The following PTPN23 variants were observed in gnomAD, a reference collection of about 807,000 sequenced individuals.
PTPN23 encodes the protein tyrosine-protein phosphatase non-receptor type 23.
A neutral mutation model predicts 156.3 loss-of-function variants in PTPN23; 72 were observed. The observed-to-expected ratio is 0.46, with a 90% CI of 0.38 to 0.56. The LOEUF (loss-of-function observed/expected upper bound fraction) is 0.56, where lower values mean the gene tolerates loss of function less well. PTPN23 is among the 20% of genes least tolerant of loss of function. The pLI, the probability that PTPN23 is intolerant of heterozygous loss-of-function variation, is 0.00. For synonymous variants in PTPN23, 957 were observed against 899.6 expected (o/e 1.06, Z -1.14); for missense variants, 1,974 against 2,171.5 (o/e 0.91, Z 1.81).
chr3:47,408,274 T>C (rs1054944190), intron 14 of PTPN23, 71 bp from the exon 15 acceptor site: 6 of 1,567,934 alleles, frequency 3.8e-6, no homozygotes, highest in Non-Finnish European at 5.2e-6. Context: ...AGGCTTGCCC[T>C]AGCGGCTCCT....
chr3:47,411,695 AG>A lies in PTPN23; in HGVS notation c.3888+14del, dbSNP rs748499546. 10 of 1,596,394 alleles carry A rather than the reference AG, an allele frequency of 6.3e-6. No individual in the cohort carries two copies. The East Asian group carries it at 2.2e-4, about 36-fold the overall frequency. ...AGGCTGAGATGGAGAAGGTGAGAAG[AG>A]GGGGTGGGTGCCCACGAGGGCAGTG... On this transcript the variant is annotated intron_variant, in intron 20 of 24. Coordinates refer to ENST00000265562, the MANE Select transcript of PTPN23 (RefSeq NM_015466.4). This position sits in a 1 kb window ranked among gnomAD's most constrained non-coding sequence, Gnocchi z 6.3.
At chr3:47,402,340 T>C (rs956604971) in intron 2 of PTPN23, among the ~76,000 whole-genome samples, 1 of 151,964 alleles carries the variant, frequency 6.6e-6, no homozygotes, top group Non-Finnish European at 1.5e-5. Context: ...AGTGCAGTGG[T>C]GCAACCTCAG....
At position 47,411,297 on chromosome 3, in the gene PTPN23, C is replaced by T. The variant is rs564678938; in HGVS notation, c.3499C>T (p.His1167Tyr). The change falls in exon 20 of 25, where the codon CAT (histidine) becomes TAT (tyrosine). Residue 1167 changes from histidine to tyrosine, a missense_variant. This residue lies in a region of PTPN23 where 731 missense variants were observed against 669.1 expected (regional missense o/e 1.09). Transcript: ENST00000265562. The surrounding 1 kb of genome is among the most constrained non-coding windows in gnomAD (Gnocchi z 6.3). ...GCTGATTGAGCGGGACCCCTATGAG[C>T]ATCCTGAGAGGCTGCGGCAGTTGCA... ...LRLIERDPYE[H>Y]PERLRQLQQE... 6.1e-5 allele frequency: 99 copies of T among 1,612,324 alleles called. No homozygotes were observed. Among genetic ancestry groups the T allele is most frequent in the Middle Eastern group, 1.6e-4 (1 of 6,084 alleles).
In PTPN23 at chr3:47,412,605, C is replaced by T. The variant is rs1705345036; in HGVS notation, c.4409C>T (p.Ala1470Val). 2 of 1,613,586 alleles carry T rather than the reference C, an allele frequency of 1.2e-6. No individual in the cohort carries two copies. Among genetic ancestry groups the T allele is most frequent in the East Asian group, 2.2e-5 (1 of 44,880 alleles). ...HGVPPPCKPL[A>V]SASISQKNHL... ...GTGCCTCCTCCATGCAAACCCTTGG[C>T]CAGTGCAAGCATCAGCCAGAAGGTG... The change falls in exon 24 of 25, where the codon GCC becomes GTC. Residue 1470 changes from alanine to valine, a missense_variant. Physicochemically the swap from Ala to Val is moderately conservative, Grantham distance 64. This residue lies in a region of PTPN23 where 484 missense variants were observed against 516.0 expected (regional missense o/e 0.94). Transcript: ENST00000265562.
chr3:47,400,699 G>A (rs1208730190), intron 2 of PTPN23, among the ~76,000 whole-genome samples: 1 of 150,566 alleles, frequency 6.6e-6, no homozygotes, highest in Non-Finnish European at 1.5e-5. Flanking sequence ...TCAGCCTCCC[G>A]AGTAGCTGGG....
chr3:47,409,167 C>T lies in PTPN23; in HGVS notation c.1647C>T (p.Asp549=). 14 of 1,613,594 alleles carry T rather than the reference C, an allele frequency of 8.7e-6. No individual in the cohort carries two copies. The highest frequency in any genetic ancestry group is 1.2e-5 in the Non-Finnish European group (14 of 1,179,686). ...ACTGACCACTGCTGCCCACAGAGGA[C>T]AAGGCCGTGCTGCAAAACCTAAAGC... ...ALPTPALSPE[D]KAVLQNLKRI... is the part of the protein sequence containing the mutation. The change falls in exon 17 of 25, where the codon GAC becomes GAT. Residue 549 remains aspartate, a synonymous_variant. Transcript: ENST00000265562.
In PTPN23 at chr3:47,412,499, A is replaced by G; in HGVS notation, c.4318-15A>G. 7 of 1,612,648 alleles carry G rather than the reference A, an allele frequency of 4.3e-6. No homozygotes were observed. Among genetic ancestry groups the G allele is most frequent in the Non-Finnish European group, 5.9e-6 (7 of 1,179,532 alleles). The stretch of plus-strand genomic sequence containing the variant: ...GGCCCCTGCCCAGCTGACCTGGCCA[A>G]ATGCACCTGTGCAGCTGCACCTCAG... On this transcript the variant is annotated splice_polypyrimidine_tract_variant and intron_variant, in intron 23 of 24. Transcript: ENST00000265562.
chr3:47,407,918 A>G lies in PTPN23; in HGVS notation c.1147A>G (p.Met383Val). 6.2e-7 allele frequency: 1 copy of G among 1,614,092 alleles called. No homozygotes were observed. Among genetic ancestry groups the G allele is most frequent in the Non-Finnish European group, 8.5e-7 (1 of 1,180,016 alleles). The change falls in exon 14 of 25, where the codon ATG (methionine) becomes GTG (valine). Residue 383 changes from methionine (M) to valine (V), a missense_variant. By Grantham distance (21) the Met-to-Val change is conservative. Transcript: ENST00000265562. The surrounding 1 kb of genome is among the most constrained non-coding windows in gnomAD (Gnocchi z 4.0). The stretch of plus-strand genomic sequence containing the variant: ...GGAGAAGGCCAAGCTGCTCCGGGAG[A>G]TGATGGCCAAGATTGAGGACAAGAA... ...SEEKAKLLREMMAKIEDKNEV... is the reference protein window; with the variant it reads ...SEEKAKLLREVMAKIEDKNEV...
chr3:47,412,747 G>T lies in PTPN23; in HGVS notation c.4473G>T (p.Gly1491=), dbSNP rs773180028. Residue 1491 remains glycine, a synonymous_variant, in exon 25 of 25, where the codon GGG becomes GGT. Transcript: ENST00000265562. ...PQDSQDLVLG[G]DVPISSIQAT... is the part of the protein sequence containing the mutation. The stretch of plus-strand genomic sequence containing the variant: ...ACTCCCAGGACCTGGTCCTCGGTGG[G>T]GATGTGCCCATCAGCTCCATCCAGG... The T allele has an allele frequency of 6.2e-7, 1 of 1,606,784 alleles. No individual in the cohort carries two copies. Among genetic ancestry groups the T allele is most frequent in the East Asian group, 2.2e-5 (1 of 44,738 alleles).
intron 2 of PTPN23, among the ~76,000 whole-genome samples, chr3:47,399,809 A>G (rs1704955526): frequency 6.6e-6 from 1 of 151,948 alleles, no homozygotes; most frequent in Non-Finnish European, 1.5e-5. Flanking sequence ...GTTGGACTAG[A>G]TCACTGTTTT....
At chr3:47,403,213 C>A (rs150334868) in intron 2 of PTPN23, among the ~76,000 whole-genome samples, 2 of 151,858 alleles carry the variant, frequency 1.3e-5, no homozygotes, top group South Asian at 4.2e-4. Flanking sequence ...CCACCACGTC[C>A]GGCTAATTTT....
intron 1 of PTPN23, among the ~76,000 whole-genome samples, chr3:47,390,598 A>G (rs1044231900): frequency 1.3e-5 from 2 of 152,172 alleles, no homozygotes; most frequent in African/African-American, 2.4e-5. Context: ...GTCCCAGACC[A>G]TAGCGAAATG....
At chr3:47,381,908 G>A (rs138912495) in intron 1 of PTPN23, among the ~76,000 whole-genome samples, 470 of 152,290 alleles carry the variant, frequency 3.1e-3, no homozygotes, top group Non-Finnish European at 4.9e-3. Flanking sequence ...AACTTCTGTG[G>A]AGAGGTTCAG....
In PTPN23 at chr3:47,409,523, T is replaced by A. The variant is rs1265485756; in HGVS notation, c.1904T>A (p.Val635Glu). The change falls in exon 18 of 25, where the codon GTG becomes GAG. Residue 635 changes from valine to glutamate, a missense_variant. This residue lies in a region of PTPN23 where 726 missense variants were observed against 929.5 expected (regional missense o/e 0.78). Transcript: ENST00000265562. ...CTCTGTGCACTGACAGAGGCCAACG[T>A]GCAGTACGCAGCCGTGCGGCGGGTA... ...RVLCALTEAN[V>E]QYAAVRRVLS... 6.2e-7 allele frequency: 1 copy of A among 1,614,052 alleles called. No homozygotes were observed. The highest frequency in any genetic ancestry group is 1.1e-5 in the South Asian group (1 of 91,080).
Position 47,411,188 on chromosome 3 carries a change from C to T in PTPN23, c.3390C>T (p.Gly1130=). ...LSSSPESQHG[G]TQSPGGGQPL... is the part of the protein sequence containing the mutation. ...CCAGCCCGGAGAGCCAGCATGGCGG[C>T]ACTCAGTCTCCTGGGGGTGGGCAGC... Residue 1130 remains glycine (G), a synonymous_variant, in exon 20 of 25, where the codon GGC becomes GGT. Coordinates refer to ENST00000265562, the MANE Select transcript of PTPN23 (RefSeq NM_015466.4). This position sits in a 1 kb window ranked among gnomAD's most constrained non-coding sequence, Gnocchi z 6.3. 1 of 1,603,512 alleles carries T rather than the reference C, an allele frequency of 6.2e-7. No homozygotes were observed. The highest frequency in any genetic ancestry group is 8.5e-7 in the Non-Finnish European group (1 of 1,177,476).
Position 47,411,604 on chromosome 3 carries a change from C to T in PTPN23, c.3806C>T (p.Thr1269Ile). Reference protein sequence around the residue: ...LVATQAPLPGTAADFWLMVHE... With the variant: ...LVATQAPLPGIAADFWLMVHE... ...GCAACCCAGGCCCCACTGCCTGGCA[C>T]AGCTGCTGACTTCTGGCTCATGGTC... Residue 1269 changes from threonine to isoleucine, a missense_variant, in exon 20 of 25, where the codon ACA becomes ATA. This residue lies in a region of PTPN23 where 484 missense variants were observed against 516.0 expected (regional missense o/e 0.94). Coordinates refer to ENST00000265562, the MANE Select transcript of PTPN23 (RefSeq NM_015466.4). The surrounding 1 kb of genome is among the most constrained non-coding windows in gnomAD (Gnocchi z 6.3). 1 of 1,612,420 alleles carries T rather than the reference C, an allele frequency of 6.2e-7. No homozygotes were observed. Among genetic ancestry groups the T allele is most frequent in the Non-Finnish European group, 8.5e-7 (1 of 1,179,926 alleles).
rs1705368032 is a variant in PTPN23, at chr3:47,413,062, C to A, written c.4788C>A (p.Gly1596=). The change falls in exon 25 of 25, where the codon GGC becomes GGA. Residue 1596 remains glycine (G), a synonymous_variant. Transcript: ENST00000265562. ...TCTCCCTGGACAGCTCCCTGCGGGG[C>A]AAACAGCGGATGAGCAAGCATAACT... ...EAFSLDSSLR[G]KQRMSKHNFL... is the part of the protein sequence containing the mutation. 1.9e-6 allele frequency: 3 copies of A among 1,612,858 alleles called. No individual in the cohort carries two copies. Among genetic ancestry groups the A allele is most frequent in the African/African-American group, 1.3e-5 (1 of 74,948 alleles).
chr3:47,402,831 G>A (rs919399341), intron 2 of PTPN23, among the ~76,000 whole-genome samples: 4 of 151,990 alleles, frequency 2.6e-5, no homozygotes, highest in East Asian at 1.9e-4. Flanking sequence ...TAAGCCTCCC[G>A]AGTAGCTGGG....
At chr3:47,408,710 G>A in intron 15 of PTPN23, 66 bp from the exon 16 acceptor site, 1 of 1,529,882 alleles carries the variant, frequency 6.5e-7, no homozygotes, top group South Asian at 1.3e-5. Flanking sequence ...CTGTCTCTTG[G>A]GGGAGGGGCC....
Sources: allele counts gnomAD v4.1 joint callset (sites outside exome capture counted in the v4.1 genomes callset), GRCh38; gene constraint gnomAD v4.1.1; regional missense constraint gnomAD v4.1.1; non-coding constraint Gnocchi (gnomAD v3.1); transcripts MANE v1.5; gene names NCBI Gene and HGNC (gene_info 2026-07-23, HGNC 2026-07-21).